AFF3: variants seen among roughly 807,000 people sequenced by gnomAD.
AFF3 encodes AF4/FMR2 family member 3.
AFF3 carries 32 observed loss-of-function variants against 129.7 expected under a neutral mutation model. The observed-to-expected ratio is 0.25, with a 90% CI of 0.19 to 0.33. The LOEUF is 0.33. Ranked by LOEUF, AFF3 falls within the 10% of genes least tolerant of loss-of-function variation. AFF3 has a pLI of 1.00. For synonymous variants in AFF3, 644 were observed against 635.4 expected (o/e 1.01, Z -0.20); for missense variants, 1,373 against 1,592.0 (o/e 0.86, Z 2.34).
chr2:99,974,192 G>A (rs569571350), intron 7 of AFF3, among the ~76,000 whole-genome samples: 178 of 152,260 alleles, frequency 1.2e-3, no homozygotes, highest in Admixed American at 5.3e-3. Flanking sequence ...TTCCCCCTAA[G>A]TGAAATGTGA....
chr2:99,581,853 GTTTT>G (rs1197222142), intron 17 of AFF3, among the ~76,000 whole-genome samples: 10 of 121,570 alleles, frequency 8.2e-5, no homozygotes, highest in Admixed American at 6.6e-4. Flanking sequence ...AGGTGTTGGA[GTTTT>G]TTTTTTTTTT....
intron 11 of AFF3, among the ~76,000 whole-genome samples, chr2:99,699,445 G>A (rs771138184): frequency 6.6e-6 from 1 of 152,130 alleles, no homozygotes; most frequent in Admixed American, 6.5e-5. Flanking sequence ...AGGACCTATC[G>A]CCTGGCATAC....
At chr2:99,891,405 G>C (rs1027234016) in intron 7 of AFF3, among the ~76,000 whole-genome samples, 14 of 152,174 alleles carry the variant, frequency 9.2e-5, no homozygotes, top group African/African-American at 3.1e-4. Flanking sequence ...GCCCTAAGAT[G>C]TCAAAGCTTC....
rs1037961125 is a variant in AFF3, at chr2:99,601,437, C to G, written c.1369G>C (p.Glu457Gln). 10 of 1,602,932 alleles carry G rather than the reference C, an allele frequency of 6.2e-6. No individual in the cohort carries two copies. The highest frequency in any genetic ancestry group is 1.7e-4 in the Middle Eastern group (1 of 6,016). ...GSKPPHFSSP[E>Q]AEPASSNKWQ... ...GGCCTGAGCCAGGCAGCGCTTACCTCGGGGCTGGAGAAGTGGGGGGGCTTG... is the reference window on the plus strand; with the variant it reads ...GGCCTGAGCCAGGCAGCGCTTACCTGGGGGCTGGAGAAGTGGGGGGGCTTG... Residue 457 changes from glutamate (E) to glutamine (Q), a missense_variant and splice_region_variant, in exon 14 of 25, where the codon GAG becomes CAG. By Grantham distance (29) the Glu-to-Gln change is conservative (BLOSUM62 2). Around this residue, in one of 9 missense-constraint regions of AFF3, gnomAD observed 413 missense variants for 424.4 expected, o/e 0.97. Coordinates refer to ENST00000672756, the MANE Select transcript of AFF3 (RefSeq NM_001386135.1).
intron 7 of AFF3, among the ~76,000 whole-genome samples, chr2:99,934,060 A>G (rs1403366264): frequency 1.3e-5 from 2 of 152,176 alleles, no homozygotes; most frequent in African/African-American, 4.8e-5. Flanking sequence ...AGAATGGTGT[A>G]GAACAACAGC....
intron 4 of AFF3, among the ~76,000 whole-genome samples, chr2:100,093,633 A>G (rs1007518007): frequency 1.3e-4 from 20 of 151,968 alleles, no homozygotes; most frequent in Non-Finnish European, 2.8e-4. Context: ...CAGCTATGCC[A>G]TGTTCTGGGG....
intron 4 of AFF3, among the ~76,000 whole-genome samples, chr2:100,060,697 C>T (rs1302163779): frequency 1.3e-5 from 2 of 151,972 alleles, no homozygotes; most frequent in Non-Finnish European, 2.9e-5. Context: ...TACCCCTCAC[C>T]CCCTGGATAC....
rs377127774 is a variant in AFF3 at position 99,578,484 on chromosome 2, T to C, written c.2794-33A>G. 4.0e-5 allele frequency: 64 copies of C among 1,605,192 alleles called. No homozygotes were observed. In the Middle Eastern group the frequency reaches 5.0e-4, roughly 12 times the overall value. ...ACAAACAACACACATCTTTGAGAAA[T>C]TGGCCACCTGGTGAAGCGAGCAGCC... On this transcript the variant is annotated intron_variant, in intron 17 of 24. Coordinates refer to ENST00000672756, the MANE Select transcript of AFF3 (RefSeq NM_001386135.1).
At chr2:100,134,924 G>A (rs1046670843) in intron 1 of AFF3, among the ~76,000 whole-genome samples, 6 of 152,310 alleles carry the variant, frequency 3.9e-5, no homozygotes, top group African/African-American at 9.6e-5. Context: ...GGGAGAGGCT[G>A]GCTATTTTAT....
intron 13 of AFF3, among the ~76,000 whole-genome samples, chr2:99,648,840 C>G (rs1019344272): frequency 2.7e-5 from 4 of 150,668 alleles, no homozygotes; most frequent in Non-Finnish European, 4.4e-5. Flanking sequence ...TGGAGACACA[C>G]AGGGATTTCA....
At chr2:99,842,620 G>A (rs1689399514) in intron 7 of AFF3, among the ~76,000 whole-genome samples, 1 of 152,158 alleles carries the variant, frequency 6.6e-6, no homozygotes, top group Non-Finnish European at 1.5e-5. Context: ...AGCAACCCCA[G>A]CTGATTCTCC....
Position 99,551,051 on chromosome 2 carries a change from G to A in AFF3, c.*423C>T. On this transcript the variant is annotated 3_prime_UTR_variant, in exon 25 of 25. Transcript: ENST00000672756. ...GCTTTTGGTGTGCTGTATTGCACCT[G>A]GTTAACTAACCCATGAGATTTTGGT... 2 of 423,096 alleles carry A rather than the reference G, an allele frequency of 4.7e-6. No homozygotes were observed. Among genetic ancestry groups the A allele is most frequent in the Non-Finnish European group, 4.2e-6 (1 of 239,118 alleles). 26.2% of individuals were successfully genotyped at this position (423,096 alleles called of 1,614,324 possible).
chr2:99,650,674 G>A (rs948817901), intron 12 of AFF3, among the ~76,000 whole-genome samples: 2 of 152,096 alleles, frequency 1.3e-5, no homozygotes, highest in South Asian at 2.1e-4. Context: ...GACGTTAGGC[G>A]ATGAGCACAG....
At chr2:99,736,180 G>A (rs998975761) in intron 10 of AFF3, among the ~76,000 whole-genome samples, 11 of 152,014 alleles carry the variant, frequency 7.2e-5, no homozygotes, top group Admixed American at 1.3e-4. Flanking sequence ...TAATTTTTCT[G>A]TTTGCATTAT....
intron 12 of AFF3, among the ~76,000 whole-genome samples, chr2:99,657,424 A>T (rs1685848116): frequency 6.6e-6 from 1 of 152,142 alleles, no homozygotes; most frequent in African/African-American, 2.4e-5. Context: ...GCCTCATGAC[A>T]ATTTTATTTT....
At chr2:100,028,939 C>T (rs1399086512) in intron 4 of AFF3, among the ~76,000 whole-genome samples, 1 of 151,574 alleles carries the variant, frequency 6.6e-6, no homozygotes, top group Non-Finnish European at 1.5e-5. Flanking sequence ...GAACTGAGAG[C>T]GGGGTCTTGG....
At chr2:99,648,917 A>ACACTCTCTCTCTCTCTCTCTCTCTCTCT in intron 13 of AFF3, among the ~76,000 whole-genome samples, 1 of 46,870 alleles carries the variant, frequency 2.1e-5, no homozygotes, top group Non-Finnish European at 4.6e-5. Context: ...ACACACACAC[A>ACACTCTCTCTCTCTCTCTCTCTCTCTCT]CTCTCTCTCT....
At chr2:99,610,170 G>A (rs1680781919) in intron 13 of AFF3, among the ~76,000 whole-genome samples, 1 of 152,070 alleles carries the variant, frequency 6.6e-6, no homozygotes, top group Non-Finnish European at 1.5e-5. Flanking sequence ...CTCTTCACAC[G>A]GACGCGCTTG....
At chr2:99,919,885 G>A (rs1162361026) in intron 7 of AFF3, among the ~76,000 whole-genome samples, 2 of 151,986 alleles carry the variant, frequency 1.3e-5, no homozygotes, top group Non-Finnish European at 2.9e-5. Flanking sequence ...ATAAAACAGT[G>A]AATATGACTA....
Sources: gnomAD v4.1 joint callset for allele counts (sites outside exome capture counted in the v4.1 genomes callset) on GRCh38, gnomAD v4.1.1 for gene constraint, gnomAD v4.1.1 regional missense constraint, MANE v1.5 for transcripts, NCBI Gene and HGNC (gene_info 2026-07-23, HGNC 2026-07-21) for gene names.